The following SYT9 variants were observed in gnomAD, a reference collection of about 807,000 sequenced individuals.
SYT9 encodes the protein synaptotagmin-9.
SYT9 carries 22 observed loss-of-function variants against 48.4 expected under a neutral mutation model. That is an observed-to-expected ratio of 0.45 (90% CI 0.32 to 0.65). The LOEUF (loss-of-function observed/expected upper bound fraction) is 0.65, where lower values mean the gene tolerates loss of function less well. Ranked by LOEUF, SYT9 falls within the 30% of genes least tolerant of loss-of-function variation. The pLI is 0.03. For synonymous variants in SYT9, 265 were observed against 245.0 expected, an observed-to-expected ratio of 1.08 and a Z score of -0.76; for missense variants, 577 against 622.0, an observed-to-expected ratio of 0.93 and a Z score of 0.77.
intron 3 of SYT9, among the ~76,000 whole-genome samples, chr11:7,391,313 T>C (rs956195945): frequency 4.6e-5 from 7 of 152,114 alleles, no homozygotes; most frequent in Admixed American, 4.6e-4. Context: ...TTCCTTTGGG[T>C]ATATACCCAT....
At chr11:7,287,774 C>G (rs1013503774) in intron 1 of SYT9, among the ~76,000 whole-genome samples, 1 of 152,086 alleles carries the variant, frequency 6.6e-6, no homozygotes, top group Non-Finnish European at 1.5e-5. Context: ...GCAACTTTTT[C>G]TTTCTTATTT....
intron 3 of SYT9, among the ~76,000 whole-genome samples, chr11:7,415,671 AG>A (rs1847229877): frequency 6.6e-6 from 1 of 152,038 alleles, no homozygotes; most frequent in East Asian, 1.9e-4. Context: ...ATATGAGTGG[AG>A]CCACATAGGG....
chr11:7,349,729 C>T (rs1027414444), intron 3 of SYT9, among the ~76,000 whole-genome samples: 2 of 152,272 alleles, frequency 1.3e-5, no homozygotes, highest in African/African-American at 4.8e-5. Flanking sequence ...CTATTATGCC[C>T]ATATGACAGA....
intron 3 of SYT9, among the ~76,000 whole-genome samples, chr11:7,354,533 C>A (rs10769781): frequency 0.29 from 43,472 of 151,992 alleles, 8,249 homozygotes; most frequent in East Asian, 0.78. Context: ...CCTGTTGAAA[C>A]CCAGGCCCTG....
At chr11:7,446,576 G>A (rs1462565142) in intron 6 of SYT9, among the ~76,000 whole-genome samples, 1 of 152,168 alleles carries the variant, frequency 6.6e-6, no homozygotes, top group East Asian at 1.9e-4. Context: ...GTATACCACA[G>A]GTACCACAGG....
intron 3 of SYT9, chr11:7,314,308 C>G: frequency 2.4e-6 from 1 of 408,550 alleles, no homozygotes; most frequent in Non-Finnish European, 4.8e-6. Flanking sequence ...TAGTCTGCAG[C>G]TAAGAGACCA....
At chr11:7,308,953 C>T (rs1849081885) in intron 2 of SYT9, among the ~76,000 whole-genome samples, 2 of 152,274 alleles carry the variant, frequency 1.3e-5, no homozygotes, top group South Asian at 4.2e-4. Context: ...AACCTTGTAC[C>T]TCTGGGATTC....
upstream of SYT9, among the ~76,000 whole-genome samples, chr11:7,247,007 G>C (rs1236549812): frequency 2.0e-5 from 3 of 152,212 alleles, no homozygotes; most frequent in African/African-American, 7.2e-5. Context: ...TCCATTTCTA[G>C]TGAGGGCTTT....
At chr11:7,246,974 C>T (rs992005558), upstream of SYT9, among the ~76,000 whole-genome samples, 1 of 152,210 alleles carries the variant, frequency 6.6e-6, no homozygotes. Context: ...TCTGGGAAGT[C>T]CAAGCTCAAG....
intron 6 of SYT9, among the ~76,000 whole-genome samples, chr11:7,426,900 T>A (rs914051655): frequency 6.6e-6 from 1 of 152,204 alleles, no homozygotes; most frequent in Non-Finnish European, 1.5e-5. Context: ...AAGATAAAGT[T>A]GCATGGTCAT....
intron 3 of SYT9, chr11:7,314,461 C>T (rs1372549097): frequency 4.5e-6 from 1 of 222,076 alleles, no homozygotes; most frequent in African/African-American, 2.3e-5. Flanking sequence ...ATGTAAAACT[C>T]ACAAAATCCA....
chr11:7,308,130 C>G (rs887437349), intron 2 of SYT9, among the ~76,000 whole-genome samples: 6 of 152,252 alleles, frequency 3.9e-5, no homozygotes, highest in African/African-American at 1.4e-4. Context: ...CTAACTCTCT[C>G]TTCTTCATCA....
At chr11:7,330,218 A>C (rs1849502265) in intron 3 of SYT9, among the ~76,000 whole-genome samples, 1 of 152,236 alleles carries the variant, frequency 6.6e-6, no homozygotes, top group African/African-American at 2.4e-5. Flanking sequence ...AATGAAAGGA[A>C]TACTCAATGT....
At chr11:7,271,168 A>AAAT (rs1389153414) in intron 1 of SYT9, among the ~76,000 whole-genome samples, 1 of 152,110 alleles carries the variant, frequency 6.6e-6, no homozygotes, top group Non-Finnish European at 1.5e-5. Flanking sequence ...ACATTTTTTC[A>AAAT]ATATAAAATA....
intron 3 of SYT9, among the ~76,000 whole-genome samples, chr11:7,391,764 A>AC (rs1224790840): frequency 7.0e-6 from 1 of 141,956 alleles, no homozygotes; most frequent in Admixed American, 7.1e-5. Flanking sequence ...AAAAAAAAAA[A>AC]ACCTAGCTAG....
chr11:7,346,303 G>A (rs958317453), intron 3 of SYT9, among the ~76,000 whole-genome samples: 4 of 152,168 alleles, frequency 2.6e-5, no homozygotes, highest in African/African-American at 9.7e-5. Flanking sequence ...AGCCAGTAGT[G>A]GGGAAGCCTG....
intron 1 of SYT9, among the ~76,000 whole-genome samples, chr11:7,285,769 T>C (rs1432018175): frequency 6.6e-6 from 1 of 152,170 alleles, no homozygotes; most frequent in African/African-American, 2.4e-5. Flanking sequence ...AATACACCCA[T>C]TTCAAATGGG....
intron 3 of SYT9, among the ~76,000 whole-genome samples, chr11:7,377,276 C>G (rs556035330): frequency 1.3e-4 from 19 of 151,986 alleles, no homozygotes; most frequent in Middle Eastern, 6.8e-3. Context: ...GTGCTAAACA[C>G]TTTACATATA....
intron 3 of SYT9, among the ~76,000 whole-genome samples, chr11:7,348,712 T>TTTTTTTTTTTTTTTTTTTTTTTTTC (rs1849850024): frequency 7.0e-6 from 1 of 143,076 alleles, no homozygotes; most frequent in Non-Finnish European, 1.5e-5. Flanking sequence ...TTTTTTTTTT[T>TTTTTTTTTTTTTTTTTTTTTTTTTC]TTTTTGTATT....
Sources: gnomAD v4.1 joint callset for allele counts (sites outside exome capture counted in the v4.1 genomes callset) on GRCh38, gnomAD v4.1.1 for gene constraint, MANE v1.5 for transcripts, NCBI Gene and HGNC (gene_info 2026-07-23, HGNC 2026-07-21) for gene names.